The following DAXX variants were observed in gnomAD, a reference collection of about 807,000 sequenced individuals.
DAXX encodes the protein death domain associated protein.
In DAXX, 24 loss-of-function variants were observed where a neutral mutation model predicts 61.9. The observed-to-expected ratio is 0.39, with a 90% CI of 0.28 to 0.55. The LOEUF (loss-of-function observed/expected upper bound fraction) is 0.55, where lower values mean the gene tolerates loss of function less well. Among genes scored for constraint, DAXX ranks in the 20% least tolerant of loss-of-function variants. The pLI, the probability that DAXX is intolerant of heterozygous loss-of-function variation, is 0.69. For missense variants in DAXX, 819 were observed against 935.3 expected (o/e 0.88, Z 1.62); for synonymous variants, 357 against 369.5 (o/e 0.97, Z 0.39).
In DAXX at chr6:33,319,146, G is replaced by A. The variant is rs142786199; in HGVS notation, c.2014C>T (p.Pro672Ser). 115 of 1,614,070 alleles carry A rather than the reference G, an allele frequency of 7.1e-5. No individual in the cohort carries two copies. Among genetic ancestry groups the A allele is most frequent in the Non-Finnish European group, 6.2e-5 (73 of 1,180,032 alleles). The change falls in exon 7 of 8, where the codon CCC (proline) becomes TCC (serine). Residue 672 changes from proline to serine, a missense_variant. Pro to Ser is a moderately conservative substitution (Grantham distance 74). Transcript: ENST00000374542. ...GCAACTGGGGCCAAGGAAGCCAAGG[G>A]GGAAGGTGGGCTGGGCAGGGTACAT... ...KICTLPSPPS[P>S]LASLAPVADS...
intron 5 of DAXX, 69 bp downstream of exon 5, chr6:33,319,942 G>T: frequency 6.2e-7 from 1 of 1,606,982 alleles, no homozygotes. Flanking sequence ...GAAGGGAAAG[G>T]TTTCAAACAG....
At position 33,319,183 on chromosome 6, in the gene DAXX, A is replaced by G; in HGVS notation, c.1977T>C (p.Asn659=). 6.2e-7 allele frequency: 1 copy of G among 1,610,986 alleles called. No individual in the cohort carries two copies. The highest frequency in any genetic ancestry group is 8.5e-7 in the Non-Finnish European group (1 of 1,177,790). ...VERQRSVHEK[N]GKKICTLPSP... The stretch of plus-strand genomic sequence containing the variant: ...TGGGCAGGGTACATATCTTTTTCCC[A>G]TTCTTCTCATGCACTGACCTTTGCC... The change falls in exon 7 of 8, where the codon AAT becomes AAC. Residue 659 remains asparagine (N), a synonymous_variant. Coordinates refer to ENST00000374542, the MANE Select transcript of DAXX (RefSeq NM_001141969.2).
chr6:33,318,915 C>T (rs1770160301), intron 7 of DAXX, 82 bp downstream of exon 7: 2 of 1,344,702 alleles, frequency 1.5e-6, no homozygotes, highest in Non-Finnish European at 2.1e-6. Flanking sequence ...GGATGTGGCA[C>T]GTGGAATATT....
In DAXX at chr6:33,320,264, C is replaced by A. The variant is rs368378875; in HGVS notation, c.1252-40G>T. ...AGTTTCTCTAAGGAATCCCTTGCCC[C>A]AGAGGGTTTGGTTCTTGCTTTCCTT... On this transcript the variant is annotated intron_variant, in intron 4 of 7. Coordinates refer to ENST00000374542, the MANE Select transcript of DAXX (RefSeq NM_001141969.2). This position sits in a 1 kb window ranked among gnomAD's most constrained non-coding sequence, Gnocchi z 7.1. 1 of 1,539,114 alleles carries A rather than the reference C, an allele frequency of 6.5e-7. No individual in the cohort carries two copies. The highest frequency in any genetic ancestry group is 1.1e-5 in the South Asian group (1 of 89,562).
At chr6:33,319,299 A>C in intron 6 of DAXX, 80 bp from the exon 7 acceptor site, 2 of 1,561,130 alleles carry the variant, frequency 1.3e-6, no homozygotes, top group South Asian at 2.4e-5. Flanking sequence ...CTCCCAGCAG[A>C]CTCAGTTCCC....
At chr6:33,322,830 CG>C in intron 1 of DAXX, 31 bp downstream of exon 1, 2 of 1,167,796 alleles carry the variant, frequency 1.7e-6, no homozygotes, top group Non-Finnish European at 2.4e-6. Context: ...TCCCCGCCCC[CG>C]CCTCTGATCC....
In DAXX at chr6:33,318,766, T is replaced by C. The variant is rs1581776620; in HGVS notation, c.2200A>G (p.Ile734Val). 6.4e-7 allele frequency: 1 copy of C among 1,550,780 alleles called. No homozygotes were observed. The highest frequency in any genetic ancestry group is 8.8e-7 in the Non-Finnish European group (1 of 1,137,602). ...VATQCDPEEI[I>V]VLSDSD The stretch of plus-strand genomic sequence containing the variant: ...AGCTAATCAGAGTCTGAGAGCACGA[T>C]GATCTCTTCTGGATCGCATTGTGTG... Residue 734 changes from isoleucine to valine, a missense_variant, in exon 8 of 8, where the codon ATC becomes GTC. Transcript: ENST00000374542.
chr6:33,321,987 GA>G lies in DAXX; in HGVS notation c.-52-11del. On this transcript the variant is annotated splice_polypyrimidine_tract_variant and intron_variant, in intron 1 of 7. Transcript: ENST00000374542. The surrounding 1 kb of genome is among the most constrained non-coding windows in gnomAD (Gnocchi z 7.2). ...GATTTCAGAATTCCTGCTGGAAGGG[GA>G]TGGGGCCTCAGAATGAGCCCCTCCA... The G allele has an allele frequency of 6.4e-7, 1 of 1,552,240 alleles. No individual in the cohort carries two copies. The highest frequency in any genetic ancestry group is 2.3e-5 in the East Asian group (1 of 43,684).
At position 33,320,525 on chromosome 6, in the gene DAXX, A is replaced by G. The variant is rs201251336; in HGVS notation, c.1106T>C (p.Met369Thr). 4 of 1,613,916 alleles carry G rather than the reference A, an allele frequency of 2.5e-6. No homozygotes were observed. The African/African-American group carries it at 5.3e-5, about 22-fold the overall frequency. ...RRLRENRSLA[M>T]SRLDEVISKY... ...GGAGATGACCTCATCCAGCCGACTC[A>G]TGGCCAAACTCCGGTTTTCCCGAAG... The change falls in exon 4 of 8, where the codon ATG becomes ACG. Residue 369 changes from methionine (M) to threonine (T), a missense_variant. Physicochemically the swap from Met to Thr is moderately conservative, Grantham distance 81. Coordinates refer to ENST00000374542, the MANE Select transcript of DAXX (RefSeq NM_001141969.2). The surrounding 1 kb of genome is among the most constrained non-coding windows in gnomAD (Gnocchi z 7.1).
chr6:33,319,318 C>T, intron 6 of DAXX, 62 bp downstream of exon 6: 1 of 1,571,076 alleles, frequency 6.4e-7, no homozygotes, highest in Non-Finnish European at 8.6e-7. Context: ...CCCAGTATTG[C>T]TCTCCGAAAG....
intron 6 of DAXX, 73 bp downstream of exon 6, chr6:33,319,307 C>A: frequency 4.5e-6 from 7 of 1,565,654 alleles, no homozygotes; most frequent in Non-Finnish European, 6.1e-6. Flanking sequence ...AGACTCAGTT[C>A]CCCAGTATTG....
In DAXX at chr6:33,319,233, C is replaced by CAG; in HGVS notation, c.1941-15_1941-14insCT. On this transcript the variant is annotated splice_polypyrimidine_tract_variant and intron_variant, in intron 6 of 7. Coordinates refer to ENST00000374542, the MANE Select transcript of DAXX (RefSeq NM_001141969.2). ...CTTTCCACATAGCTAGAAACAGAAA[C>CAG]ATAAATATGTGGAGGGGTACGGGAA... The CAG allele has an allele frequency of 6.3e-7, 1 of 1,585,798 alleles. No individual in the cohort carries two copies. Among genetic ancestry groups the CAG allele is most frequent in the Non-Finnish European group, 8.6e-7 (1 of 1,162,780 alleles).
rs375599552 is a variant in DAXX at position 33,322,855 on chromosome 6, C to G, written c.-53+7G>C. 7.2e-7 allele frequency: 1 copy of G among 1,391,194 alleles called. No individual in the cohort carries two copies. Among genetic ancestry groups the G allele is most frequent in the Non-Finnish European group, 9.8e-7 (1 of 1,020,908 alleles). 86.2% of individuals were successfully genotyped at this position (1,391,194 alleles called of 1,614,324 possible). On this transcript the variant is annotated splice_region_variant and intron_variant, in intron 1 of 7. Transcript: ENST00000374542. ...CGCCTCTGATCCCCGCACCGTCCGG[C>G]CCCCACCTCAGAAACCGTCTCTCGA...
In DAXX at chr6:33,321,768, G is replaced by GA. The variant is rs1562730521; in HGVS notation, c.157dup (p.Ser53PhefsTer12). ...CAGCTTGTAGCATTTCTTGCCGCCC[G>GA]AACTACTGCTTCCTCTGGCCCCATG... On this transcript the variant is annotated frameshift_variant, in exon 2 of 8. Coordinates refer to ENST00000374542, the MANE Select transcript of DAXX (RefSeq NM_001141969.2). LOFTEE classifies it high-confidence loss of function. The surrounding 1 kb of genome is among the most constrained non-coding windows in gnomAD (Gnocchi z 7.2). 1 of 1,613,276 alleles carries GA rather than the reference G, an allele frequency of 6.2e-7. No individual in the cohort carries two copies. The highest frequency in any genetic ancestry group is 1.7e-5 in the Admixed American group (1 of 60,014).
chr6:33,320,171 T>C lies in DAXX; in HGVS notation c.1305A>G (p.Thr435=). The change falls in exon 5 of 8, where the codon ACA becomes ACG. Residue 435 remains threonine (T), a synonymous_variant. Coordinates refer to ENST00000374542, the MANE Select transcript of DAXX (RefSeq NM_001141969.2). This position sits in a 1 kb window ranked among gnomAD's most constrained non-coding sequence, Gnocchi z 7.1. The part of the protein sequence containing the change: ...QGCPSASRAE[T]DDEDDEESDE... ...CACTCTCCTCATCGTCTTCGTCATC[T>C]GTCTCAGCTCTGGAGGCAGAAGGGC... 6.2e-7 allele frequency: 1 copy of C among 1,614,060 alleles called. No individual in the cohort carries two copies. Among genetic ancestry groups the C allele is most frequent in the Non-Finnish European group, 8.5e-7 (1 of 1,179,940 alleles).
chr6:33,319,377 T>C lies in DAXX; in HGVS notation c.1940+3A>G, dbSNP rs1409271650. On this transcript the variant is annotated splice_donor_region_variant and intron_variant, in intron 6 of 7. Transcript: ENST00000374542. Reference sequence around the variant, plus strand: ...TCCCTCTTCCTCCTCCTCTTGTTATTACCTGTTTCCTAATGGCCCTGATCC... The same window carrying C: ...TCCCTCTTCCTCCTCCTCTTGTTATCACCTGTTTCCTAATGGCCCTGATCC... The C allele has an allele frequency of 1.2e-6, 2 of 1,609,600 alleles. No homozygotes were observed. The highest frequency in any genetic ancestry group is 1.7e-6 in the Non-Finnish European group (2 of 1,178,584).
chr6:33,318,937 G>A (rs750905525), intron 7 of DAXX, 60 bp downstream of exon 7: 1 of 1,472,826 alleles, frequency 6.8e-7, no homozygotes, highest in Non-Finnish European at 9.5e-7. Context: ...AGACAGAGCA[G>A]CTGAAACAGC....
At position 33,320,956 on chromosome 6, in the gene DAXX, CCGCT is replaced by C; in HGVS notation, c.815_818del (p.Glu272GlyfsTer21). On this transcript the variant is annotated frameshift_variant, in exon 3 of 8. Coordinates refer to ENST00000374542, the MANE Select transcript of DAXX (RefSeq NM_001141969.2). LOFTEE classifies it high-confidence loss of function. The surrounding 1 kb of genome is among the most constrained non-coding windows in gnomAD (Gnocchi z 7.1). ...TATCAGGCCCTGGCTTGTTGATGAG[CCGCT>C]CAATGCGCCTGTTAACCTCTGGGTA... 1 of 1,614,010 alleles carries C rather than the reference CCGCT, an allele frequency of 6.2e-7. No homozygotes were observed. The highest frequency in any genetic ancestry group is 8.5e-7 in the Non-Finnish European group (1 of 1,179,874).
In DAXX at chr6:33,319,263, G is replaced by A. The variant is rs765965459; in HGVS notation, c.1941-44C>T. ...ATATGTGGAGGGGTACGGGAAGACTGAGGCTGGAGGGGGGCAGTCCAGTCT... is the reference window on the plus strand; with the variant it reads ...ATATGTGGAGGGGTACGGGAAGACTAAGGCTGGAGGGGGGCAGTCCAGTCT... On this transcript the variant is annotated intron_variant, in intron 6 of 7. Transcript: ENST00000374542. The A allele has an allele frequency of 6.4e-6, 10 of 1,566,798 alleles. No homozygotes were observed. The South Asian group carries it at 1.2e-4, about 19-fold the overall frequency.
Sources: gnomAD v4.1 joint callset for allele counts on GRCh38, gnomAD v4.1.1 for gene constraint, Gnocchi (gnomAD v3.1) non-coding constraint, MANE v1.5 for transcripts, NCBI Gene and HGNC (gene_info 2026-07-23, HGNC 2026-07-21) for gene names.